Variants in RAD51B observed in about 807,000 individuals in gnomAD.
The protein encoded by RAD51B is DNA repair protein RAD51 homolog 2.
RAD51B carries 38 observed loss-of-function variants against 42.2 expected under a neutral mutation model. That is an observed-to-expected ratio of 0.90 (90% CI 0.70 to 1.18). RAD51B has a LOEUF of 1.18. RAD51B is among the 50% of genes most tolerant of loss of function. The probability of loss-of-function intolerance (pLI) is 0.00; values close to 1 mark genes in which losing one functional copy is unlikely to be tolerated. For synonymous variants in RAD51B, 154 were observed against 145.2 expected, an observed-to-expected ratio of 1.06 and a Z score of -0.43; for missense variants, 373 against 400.7, an observed-to-expected ratio of 0.93 and a Z score of 0.59.
intron 9 of RAD51B, among the ~76,000 whole-genome samples, chr14:68,457,942 T>C (rs185749839): frequency 2.0e-5 from 3 of 148,608 alleles, no homozygotes; most frequent in African/African-American, 7.4e-5. Context: ...TCAAACCACA[T>C]GTAAAGTTCA....
chr14:67,831,233 T>C (rs1315652500), intron 3 of RAD51B, among the ~76,000 whole-genome samples: 1 of 152,106 alleles, frequency 6.6e-6, no homozygotes, highest in Non-Finnish European at 1.5e-5. Flanking sequence ...AAATAGGCAG[T>C]TAAATATATG....
At chr14:68,223,258 C>T (rs775259263) in intron 7 of RAD51B, among the ~76,000 whole-genome samples, 28 of 152,300 alleles carry the variant, frequency 1.8e-4, no homozygotes, top group African/African-American at 6.0e-4. Flanking sequence ...TCCTCCAAGA[C>T]GGTTTCTGTC....
At chr14:68,675,287 GT>G (rs1473824411) in intron 11 of RAD51B, among the ~76,000 whole-genome samples, 1 of 152,202 alleles carries the variant, frequency 6.6e-6, no homozygotes, top group African/African-American at 2.4e-5. Flanking sequence ...CTGAGACATA[GT>G]TTGAGGAGAA....
chr14:68,508,674 C>T (rs8015246), intron 10 of RAD51B, among the ~76,000 whole-genome samples: 35,583 of 152,058 alleles, frequency 0.23, 4,434 homozygotes, highest in East Asian at 0.49. Context: ...AGAACTCCTA[C>T]TGCTCCAAGG....
chr14:68,306,573 C>G (rs1034305720), intron 8 of RAD51B: 13 of 462,674 alleles, frequency 2.8e-5, no homozygotes, highest in Non-Finnish European at 5.3e-5. Flanking sequence ...CCCAGTATAT[C>G]TTTTGACCAA....
At chr14:68,229,655 C>G (rs977758758) in intron 7 of RAD51B, among the ~76,000 whole-genome samples, 1 of 152,168 alleles carries the variant, frequency 6.6e-6, no homozygotes, top group Admixed American at 6.5e-5. Flanking sequence ...AGACTCTGGT[C>G]TCCAGGCCTA....
At chr14:67,901,132 G>A (rs2043598225) in intron 7 of RAD51B, among the ~76,000 whole-genome samples, 1 of 152,226 alleles carries the variant, frequency 6.6e-6, no homozygotes, top group African/African-American at 2.4e-5. Context: ...GCCTTCTGTG[G>A]GTTCTGCCCA....
intron 11 of RAD51B, among the ~76,000 whole-genome samples, chr14:68,653,444 A>G (rs1317591681): frequency 6.6e-6 from 1 of 152,160 alleles, no homozygotes; most frequent in Non-Finnish European, 1.5e-5. Context: ...ACAAATAAGA[A>G]TTTGCCTCAA....
chr14:67,978,914 A>T (rs1460828410), intron 7 of RAD51B, among the ~76,000 whole-genome samples: 1 of 152,208 alleles, frequency 6.6e-6, no homozygotes, highest in Non-Finnish European at 1.5e-5. Flanking sequence ...GCCACATGAA[A>T]CTGTATAATC....
downstream of RAD51B, among the ~76,000 whole-genome samples, chr14:68,614,058 G>C (rs1406767032): frequency 6.6e-6 from 1 of 152,174 alleles, no homozygotes; most frequent in Admixed American, 6.5e-5. Flanking sequence ...GTGCAAGTTA[G>C]CAATAGACTT....
chr14:68,261,931 C>G (rs1316324489), intron 7 of RAD51B, among the ~76,000 whole-genome samples: 1 of 152,042 alleles, frequency 6.6e-6, no homozygotes, highest in African/African-American at 2.4e-5. Flanking sequence ...GACGCTGGGT[C>G]AGGCAGGGAA....
At chr14:68,513,761 C>T (rs959664214) in intron 10 of RAD51B, among the ~76,000 whole-genome samples, 2 of 152,186 alleles carry the variant, frequency 1.3e-5, no homozygotes, top group African/African-American at 4.8e-5. Flanking sequence ...AGCTACTGAA[C>T]CTCCCAGAGC....
chr14:68,674,298 A>C (rs1893258646), intron 11 of RAD51B, among the ~76,000 whole-genome samples: 1 of 152,176 alleles, frequency 6.6e-6, no homozygotes, highest in Non-Finnish European at 1.5e-5. Context: ...ACATATACAC[A>C]CGTGTTTTCC....
rs950900482 is a variant in RAD51B at position 68,594,961 on chromosome 14, C to T, written c.*358C>T. On this transcript the variant is annotated 3_prime_UTR_variant, in exon 11 of 11. Coordinates refer to the RAD51B transcript ENST00000487270. ...GAAACAGGAGGTGAACTAAGGCACC[C>T]CGCCACCCACTGTGGCAGCTTGAAT... 8.3e-6 allele frequency: 9 copies of T among 1,078,690 alleles called. No individual in the cohort carries two copies. The African/African-American group carries it at 1.3e-4, about 16-fold the overall frequency. The allele number at this position is 1,078,690 out of a possible 1,614,324, so 66.8% of individuals were successfully genotyped here. A position where few individuals can be genotyped will look rare whatever the true frequency, so the allele number is the denominator to read the frequency against.
intron 7 of RAD51B, chr14:68,113,840 G>T (rs1292869680): frequency 6.6e-6 from 1 of 152,036 alleles, no homozygotes; most frequent in East Asian, 1.9e-4. Context: ...CTCACAGTTA[G>T]TTCACATATA....
intron 9 of RAD51B, among the ~76,000 whole-genome samples, chr14:68,467,531 G>A (rs892456998): frequency 6.6e-6 from 1 of 152,236 alleles, no homozygotes; most frequent in African/African-American, 2.4e-5. Context: ...TGGCACAAAC[G>A]TTAAGAGAAC....
At chr14:68,427,363 G>A (rs997629232) in intron 9 of RAD51B, among the ~76,000 whole-genome samples, 51 of 152,308 alleles carry the variant, frequency 3.3e-4, no homozygotes, top group East Asian at 3.9e-4. Flanking sequence ...AGACTAACCC[G>A]TAAGAGCTGC....
intron 9 of RAD51B, among the ~76,000 whole-genome samples, chr14:68,444,557 A>G (rs541870937): frequency 6.6e-6 from 1 of 152,308 alleles, no homozygotes; most frequent in Admixed American, 6.5e-5. Context: ...TTAGAGGGAT[A>G]GGGTTTAAGA....
chr14:68,468,051 TA>T, intron 9 of RAD51B, 120 bp from the exon 10 acceptor site: 2 of 810,006 alleles, frequency 2.5e-6, no homozygotes, highest in Non-Finnish European at 4.0e-6. Flanking sequence ...TTTTTTTTTT[TA>T]AATAAGCCTT....
Sources: allele counts gnomAD v4.1 joint callset (sites outside exome capture counted in the v4.1 genomes callset), GRCh38; gene constraint gnomAD v4.1.1; transcripts MANE v1.5; gene names NCBI Gene and HGNC (gene_info 2026-07-23, HGNC 2026-07-21).